The following FCRL6 variants were observed in gnomAD, a reference collection of about 807,000 sequenced individuals.
The protein encoded by FCRL6 is Fc receptor like 6, also known as Fc receptor-like protein 6.
A neutral mutation model predicts 49.1 loss-of-function variants in FCRL6; 50 were observed. The ratio of observed to expected loss-of-function variants is 1.02; its 90% CI spans 0.81 to 1.29. The LOEUF is 1.29. Among genes scored for constraint, FCRL6 ranks in the 50% most tolerant of loss-of-function variants. FCRL6 has a pLI of 0.00. For synonymous variants in FCRL6, 213 were observed against 199.6 expected, an observed-to-expected ratio of 1.07 and a Z score of -0.57; for missense variants, 571 against 518.5, an observed-to-expected ratio of 1.10 and a Z score of -0.98.
At chr1:159,810,066 A>G (rs1663000309) in intron 5 of FCRL6, 28 bp from the exon 6 acceptor site, 1 of 1,603,278 alleles carries the variant, frequency 6.2e-7, no homozygotes, top group Non-Finnish European at 8.5e-7. Context: ...TTCAGTGCTC[A>G]TGGCCACCTT....
chr1:159,815,138 C>T (rs59828254), intron 8 of FCRL6, among the ~76,000 whole-genome samples: 10 of 152,270 alleles, frequency 6.6e-5, no homozygotes, highest in East Asian at 3.9e-4. Context: ...TTTGAATTGG[C>T]GTAGGGTTTC....
intron 1 of FCRL6, among the ~76,000 whole-genome samples, chr1:159,806,093 G>A (rs1025398366): frequency 2.6e-5 from 4 of 152,234 alleles, no homozygotes; most frequent in African/African-American, 7.2e-5. Context: ...CAGAGTCCCT[G>A]CTACTATGGA....
At chr1:159,806,960 T>G (rs1241108390) in intron 2 of FCRL6, among the ~76,000 whole-genome samples, 1 of 152,182 alleles carries the variant, frequency 6.6e-6, no homozygotes, top group African/African-American at 2.4e-5. Flanking sequence ...CTTCCTTCCT[T>G]TTATGTTCAG....
intron 2 of FCRL6, 144 bp from the exon 3 acceptor site, chr1:159,808,034 T>C (rs759055161): frequency 5.4e-5 from 45 of 827,158 alleles, no homozygotes; most frequent in Admixed American, 2.8e-4. Context: ...CTGGTCGGCA[T>C]GAAGGACTGG....
At chr1:159,806,722 G>T in intron 2 of FCRL6, 106 bp downstream of exon 2, 4 of 1,146,292 alleles carry the variant, frequency 3.5e-6, no homozygotes, top group Non-Finnish European at 4.0e-6. Flanking sequence ...CATCTGCAGA[G>T]CAGCACCAGA....
intron 2 of FCRL6, among the ~76,000 whole-genome samples, chr1:159,806,859 T>A (rs1662726132): frequency 6.6e-6 from 1 of 152,204 alleles, no homozygotes; most frequent in South Asian, 2.1e-4. Flanking sequence ...TAGGCCTCTA[T>A]CTTATACCCT....
chr1:159,800,852 G>A (rs56850513), upstream of FCRL6, among the ~76,000 whole-genome samples: 2,768 of 152,204 alleles, frequency 0.018, 86 homozygotes, highest in African/African-American at 0.063. Context: ...AGATTTCCAG[G>A]AAGAACTTTA....
chr1:159,809,451 T>C lies in FCRL6; in HGVS notation c.654T>C (p.Pro218=), dbSNP rs199553599. The C allele has an allele frequency of 8.7e-6, 14 of 1,613,730 alleles. No individual in the cohort carries two copies. The African/African-American group carries it at 1.9e-4, about 22-fold the overall frequency. The change falls in exon 5 of 10, where the codon CCT becomes CCC. Residue 218 remains proline (P), a synonymous_variant. Coordinates refer to ENST00000368106, the MANE Select transcript of FCRL6 (RefSeq NM_001004310.3). ...CTCTGCACCACGGGCCTGCTGACCC[T>C]GCTGTGGGGGACATGGTGCAGCTCC... ...VLTLHHGPAD[P]AVGDMVQLLC... is the part of the protein sequence containing the mutation.
At chr1:159,800,538 C>T (rs1233105272), upstream of FCRL6, 11 of 1,495,806 alleles carry the variant, frequency 7.4e-6, no homozygotes, top group Middle Eastern at 1.7e-4. Context: ...TGCAGCTGAA[C>T]GAAGTTGAAG....
chr1:159,812,514 G>T (rs921692947), intron 6 of FCRL6, among the ~76,000 whole-genome samples: 3 of 152,212 alleles, frequency 2.0e-5, no homozygotes, highest in African/African-American at 7.2e-5. Flanking sequence ...TGCTGTGCTT[G>T]TTTAAAAGTG....
At chr1:159,803,751 C>G (rs995022473) in intron 1 of FCRL6, among the ~76,000 whole-genome samples, 1 of 152,138 alleles carries the variant, frequency 6.6e-6, no homozygotes, top group Admixed American at 6.5e-5. Flanking sequence ...AATCAGTGAC[C>G]GGCTGACTGG....
intron 3 of FCRL6, chr1:159,808,698 A>G (rs1662877027): frequency 3.3e-6 from 2 of 609,928 alleles, no homozygotes; most frequent in Non-Finnish European, 5.8e-6. Flanking sequence ...GGACCAGTCC[A>G]GGCTCACCCT....
Position 159,809,431 on chromosome 1 carries a change from C to T in FCRL6, c.634C>T (p.His212Tyr), listed in dbSNP as rs186582743. 1.2e-6 allele frequency: 2 copies of T among 1,612,108 alleles called. No individual in the cohort carries two copies. Among genetic ancestry groups the T allele is most frequent in the Non-Finnish European group, 1.7e-6 (2 of 1,178,716 alleles). Residue 212 changes from histidine (H) to tyrosine (Y), a missense_variant, in exon 5 of 10, where the codon CAC becomes TAC. His to Tyr is a moderately conservative substitution (Grantham distance 83). Coordinates refer to ENST00000368106, the MANE Select transcript of FCRL6 (RefSeq NM_001004310.3). ...APVSRPVLTL[H>Y]HGPADPAVGD... is the part of the protein sequence containing the mutation. ...TGTATCCCGTCCTGTGCTCACTCTG[C>T]ACCACGGGCCTGCTGACCCTGCTGT...
chr1:159,812,247 T>C (rs1329061093), intron 6 of FCRL6, among the ~76,000 whole-genome samples: 1 of 152,170 alleles, frequency 6.6e-6, no homozygotes, highest in African/African-American at 2.4e-5. Context: ...TCAGGACCAA[T>C]TCCTTAGCTA....
At chr1:159,814,405 A>G in intron 8 of FCRL6, 113 bp downstream of exon 8, 1 of 741,810 alleles carries the variant, frequency 1.3e-6, no homozygotes, top group Admixed American at 2.2e-5. Flanking sequence ...GACCACCATC[A>G]CTATCACCAA....
At chr1:159,801,318 T>C (rs1428656928), upstream of FCRL6, among the ~76,000 whole-genome samples, 1 of 152,252 alleles carries the variant, frequency 6.6e-6, no homozygotes, top group East Asian at 1.9e-4. Flanking sequence ...TTAGTTTTGG[T>C]AGATTCTGCC....
intron 7 of FCRL6, 32 bp from the exon 8 acceptor site, chr1:159,814,189 G>A (rs749798003): frequency 1.9e-6 from 3 of 1,595,902 alleles, no homozygotes; most frequent in Non-Finnish European, 1.7e-6. Flanking sequence ...AGAGTCAGGA[G>A]GATCCTATTT....
At chr1:159,800,543 T>G (rs536642443), upstream of FCRL6, 5 of 1,526,094 alleles carry the variant, frequency 3.3e-6, 1 homozygote, top group Middle Eastern at 8.4e-4. Context: ...CTGAACGAAG[T>G]TGAAGACAAC....
intron 8 of FCRL6, among the ~76,000 whole-genome samples, chr1:159,815,035 G>A (rs146156892): frequency 9.8e-5 from 15 of 152,336 alleles, no homozygotes; most frequent in Admixed American, 5.2e-4. Context: ...TTGTCTACAT[G>A]TAATAGATGT....
Sources: allele counts gnomAD v4.1 joint callset (sites outside exome capture counted in the v4.1 genomes callset), GRCh38; gene constraint gnomAD v4.1.1; transcripts MANE v1.5; gene names NCBI Gene and HGNC (gene_info 2026-07-23, HGNC 2026-07-21).